The following CDH13 variants were observed in gnomAD, a reference collection of about 807,000 sequenced individuals.
The protein encoded by CDH13 is cadherin 13.
CDH13 carries 24 observed loss-of-function variants against 63.8 expected under a neutral mutation model. The observed-to-expected ratio is 0.38, with a 90% CI of 0.27 to 0.53. The LOEUF is 0.53. Among genes scored for constraint, CDH13 ranks in the 20% least tolerant of loss-of-function variants. CDH13 has a pLI of 0.85. For synonymous variants in CDH13, 503 were observed against 355.3 expected (o/e 1.42, Z -4.67); for missense variants, 1,049 against 903.1 (o/e 1.16, Z -2.07).
chr16:83,273,408 A>G (rs1004165929), intron 5 of CDH13, among the ~76,000 whole-genome samples: 3 of 152,018 alleles, frequency 2.0e-5, no homozygotes, highest in Non-Finnish European at 4.4e-5. Flanking sequence ...ACTCATAGAC[A>G]TAGTAGTGTC....
At chr16:82,854,521 C>A (rs1020841606) in intron 1 of CDH13, among the ~76,000 whole-genome samples, 3 of 151,910 alleles carry the variant, frequency 2.0e-5, no homozygotes, top group African/African-American at 4.8e-5. Flanking sequence ...AGCCTGGAAT[C>A]ATTTTTAAAT....
At chr16:83,493,511 C>T (rs1050923361) in intron 7 of CDH13, among the ~76,000 whole-genome samples, 2 of 152,266 alleles carry the variant, frequency 1.3e-5, no homozygotes, top group Non-Finnish European at 2.9e-5. Context: ...CTGTTCAAAC[C>T]GAACCTTGAT....
chr16:83,552,194 T>C (rs1278648252), intron 7 of CDH13, among the ~76,000 whole-genome samples: 1 of 152,124 alleles, frequency 6.6e-6, no homozygotes, highest in Non-Finnish European at 1.5e-5. Flanking sequence ...CAGGGTGTGA[T>C]CTAGAAAGGA....
At chr16:83,136,545 C>T (rs1055986564) in intron 4 of CDH13, among the ~76,000 whole-genome samples, 2 of 151,444 alleles carry the variant, frequency 1.3e-5, no homozygotes, top group African/African-American at 2.4e-5. Context: ...AACATACAAG[C>T]CAGGGGTGAG....
intron 7 of CDH13, among the ~76,000 whole-genome samples, chr16:83,528,714 T>C (rs930679068): frequency 6.6e-6 from 1 of 152,218 alleles, no homozygotes; most frequent in Middle Eastern, 3.2e-3. Context: ...ACGAACAGCA[T>C]TAAAACACTA....
At chr16:82,796,287 C>T (rs554417631) in intron 1 of CDH13, among the ~76,000 whole-genome samples, 4 of 152,222 alleles carry the variant, frequency 2.6e-5, no homozygotes, top group South Asian at 2.1e-4. Context: ...GTATGGGGTA[C>T]CTGGGAAACA....
At chr16:83,304,309 A>G (rs1040751944) in intron 5 of CDH13, among the ~76,000 whole-genome samples, 1 of 152,132 alleles carries the variant, frequency 6.6e-6, no homozygotes, top group Non-Finnish European at 1.5e-5. Flanking sequence ...TGGAAAGGGG[A>G]GTGAGGCAAG....
At chr16:83,045,333 A>G (rs1917677297) in intron 3 of CDH13, among the ~76,000 whole-genome samples, 1 of 152,138 alleles carries the variant, frequency 6.6e-6, no homozygotes, top group Non-Finnish European at 1.5e-5. Context: ...AATGTCTGCC[A>G]AGTCTCTCTG....
At chr16:82,985,484 A>T (rs1012091377) in intron 2 of CDH13, among the ~76,000 whole-genome samples, 2 of 152,184 alleles carry the variant, frequency 1.3e-5, no homozygotes, top group African/African-American at 2.4e-5. Context: ...TTCATTAGAC[A>T]TATTTGTGGC....
chr16:83,491,445 G>A lies in CDH13; in HGVS notation c.960+4790G>A, dbSNP rs990869872. ...ATAAAATCAGATAAAGGTCTCTAAC[G>A]TTTGATAAATGTTTTATTTAGTTGA... On this transcript the variant is annotated intron_variant, in intron 7 of 13. Transcript: ENST00000567109. Among the ~76,000 whole-genome samples, 23 of 152,156 alleles carry A rather than the reference G, an allele frequency of 1.5e-4. No individual in the cohort carries two copies. The South Asian group carries it at 2.1e-3, about 14-fold the overall frequency.
intron 5 of CDH13, among the ~76,000 whole-genome samples, chr16:83,224,641 G>A (rs1029243085): frequency 3.9e-5 from 6 of 152,224 alleles, no homozygotes; most frequent in Admixed American, 3.3e-4. Context: ...CTCCTATCAC[G>A]TGAACCATAT....
At chr16:83,270,660 A>C (rs999505810) in intron 5 of CDH13, among the ~76,000 whole-genome samples, 1 of 152,092 alleles carries the variant, frequency 6.6e-6, no homozygotes, top group Non-Finnish European at 1.5e-5. Context: ...AGCACTCAAT[A>C]ACTCTCCCTC....
chr16:82,675,604 T>G (rs1037177298), intron 1 of CDH13, among the ~76,000 whole-genome samples: 2 of 152,170 alleles, frequency 1.3e-5, no homozygotes, highest in African/African-American at 4.8e-5. Context: ...TCTAAGTACT[T>G]CAGAAAATGT....
At chr16:83,089,526 G>T (rs903394615) in intron 3 of CDH13, among the ~76,000 whole-genome samples, 2 of 111,094 alleles carry the variant, frequency 1.8e-5, no homozygotes, top group Non-Finnish European at 3.7e-5. Context: ...TGGCTCACCA[G>T]TGGGACCAGA....
chr16:82,627,748 C>A (rs1241895247), intron 1 of CDH13, among the ~76,000 whole-genome samples: 2 of 152,150 alleles, frequency 1.3e-5, no homozygotes, highest in African/African-American at 4.8e-5. Context: ...GCCGGCCGCA[C>A]CCGCATCGGG....
chr16:83,152,582 G>T (rs943211827), intron 4 of CDH13, among the ~76,000 whole-genome samples: 5 of 151,996 alleles, frequency 3.3e-5, no homozygotes, highest in Middle Eastern at 3.2e-3. Context: ...TATTTTTAGG[G>T]CTGCCATTCA....
At chr16:82,896,276 A>ATTTTTTTTTTTTGTTTTTTTTTTTTT (rs2041254256) in intron 2 of CDH13, among the ~76,000 whole-genome samples, 1 of 87,816 alleles carries the variant, frequency 1.1e-5, no homozygotes, top group Non-Finnish European at 2.2e-5. Context: ...TAGGATTAGG[A>ATTTTTTTTTTTTGTTTTTTTTTTTTT]TTTTTTTTTT....
intron 5 of CDH13, among the ~76,000 whole-genome samples, chr16:83,285,969 C>T (rs938072322): frequency 6.6e-6 from 1 of 152,186 alleles, no homozygotes; most frequent in African/African-American, 2.4e-5. Context: ...CTGCCCATGT[C>T]CTGCCCACTT....
chr16:82,650,780 T>G (rs1048388027), intron 1 of CDH13, among the ~76,000 whole-genome samples: 8 of 152,204 alleles, frequency 5.3e-5, no homozygotes, highest in Non-Finnish European at 1.2e-4. Context: ...AAGTTGCACA[T>G]CCAGGATTGA....
Sources: allele counts gnomAD v4.1 joint callset (sites outside exome capture counted in the v4.1 genomes callset), GRCh38; gene constraint gnomAD v4.1.1; transcripts MANE v1.5; gene names NCBI Gene and HGNC (gene_info 2026-07-23, HGNC 2026-07-21).